Variants in DNAH9 observed in about 807,000 individuals in gnomAD.
DNAH9 encodes the protein DNAH9 variant protein.
DNAH9 carries 345 observed loss-of-function variants against 471.6 expected under a neutral mutation model. That is an observed-to-expected ratio of 0.73 (90% CI 0.67 to 0.80). DNAH9 has a LOEUF of 0.80. Among genes scored for constraint, DNAH9 ranks in the 30% least tolerant of loss-of-function variants. DNAH9 has a pLI of 0.00. For missense variants in DNAH9, 5,407 were observed against 5,609.2 expected, an observed-to-expected ratio of 0.96 and a Z score of 1.15; for synonymous variants, 2,093 against 2,123.6, an observed-to-expected ratio of 0.99 and a Z score of 0.40.
At chr17:11,604,709 T>G (rs2072462905) in intron 1 of DNAH9, among the ~76,000 whole-genome samples, 1 of 152,148 alleles carries the variant, frequency 6.6e-6, no homozygotes, top group African/African-American at 2.4e-5. Flanking sequence ...TTTTTTTCTC[T>G]TGCGACTCCT....
Position 11,930,173 on chromosome 17 carries a change from A to C in DNAH9, c.12105+80A>C. 7 of 1,246,124 alleles carry C rather than the reference A, an allele frequency of 5.6e-6. No homozygotes were observed. In the South Asian group the frequency reaches 9.6e-5, roughly 17 times the overall value. 77.2% of individuals were successfully genotyped at this position (1,246,124 alleles called of 1,614,324 possible). A position where few individuals can be genotyped will look rare whatever the true frequency, so the allele number is the denominator to read the frequency against. The stretch of plus-strand genomic sequence containing the variant: ...CAAACTGGTGGGGGGAGAGCATGCA[A>C]CTCAGAAGGGAGTCGGGTGCTGGTT... On this transcript the variant is annotated intron_variant, in intron 63 of 68. Coordinates refer to ENST00000262442, the MANE Select transcript of DNAH9 (RefSeq NM_001372.4).
chr17:11,685,616 G>T (rs973091069), intron 19 of DNAH9, among the ~76,000 whole-genome samples: 1 of 152,062 alleles, frequency 6.6e-6, no homozygotes, highest in Non-Finnish European at 1.5e-5. Flanking sequence ...ATAGATTACA[G>T]AGAGATTTAG....
intron 44 of DNAH9, 87 bp downstream of exon 44, chr17:11,807,981 C>G (rs1969756156): frequency 2.1e-6 from 3 of 1,415,004 alleles, no homozygotes; most frequent in Non-Finnish European, 2.9e-6. Context: ...TCTCCAGTTC[C>G]CCTGTCTGGA....
At chr17:11,692,992 G>A (rs549145307) in intron 20 of DNAH9, among the ~76,000 whole-genome samples, 270 of 148,090 alleles carry the variant, frequency 1.8e-3, no homozygotes, top group Admixed American at 4.3e-3. Context: ...TACAACCTCC[G>A]CCTCCCGGTT....
chr17:11,920,003 G>T (rs1193630589), intron 61 of DNAH9, among the ~76,000 whole-genome samples: 1 of 151,710 alleles, frequency 6.6e-6, no homozygotes, highest in Non-Finnish European at 1.5e-5. Context: ...ACTGGGAATC[G>T]GCAGCAGAAA....
chr17:11,967,859 G>A (rs1976869118), intron 68 of DNAH9, among the ~76,000 whole-genome samples: 1 of 151,924 alleles, frequency 6.6e-6, no homozygotes, highest in South Asian at 2.1e-4. Context: ...AAATAAATAG[G>A]ATAGAAATTA....
At chr17:11,767,856 C>G (rs530738358) in intron 36 of DNAH9, among the ~76,000 whole-genome samples, 1 of 152,158 alleles carries the variant, frequency 6.6e-6, no homozygotes, top group Non-Finnish European at 1.5e-5. Flanking sequence ...CTGTCTCCCC[C>G]ACTGCTCCTA....
At chr17:11,696,747 C>G (rs2074484368) in intron 22 of DNAH9, among the ~76,000 whole-genome samples, 1 of 152,110 alleles carries the variant, frequency 6.6e-6, no homozygotes, top group African/African-American at 2.4e-5. Flanking sequence ...CCAAAGTAGT[C>G]CAGGTGTGGT....
At chr17:11,784,055 T>G (rs1253056598) in intron 40 of DNAH9, among the ~76,000 whole-genome samples, 2 of 152,070 alleles carry the variant, frequency 1.3e-5, no homozygotes, top group Admixed American at 6.5e-5. Context: ...TGGACTCAGA[T>G]TCTCTGAGTC....
chr17:11,690,484 G>A (rs747250345), intron 20 of DNAH9, 48 bp downstream of exon 20: 5 of 1,551,380 alleles, frequency 3.2e-6, no homozygotes, highest in South Asian at 2.4e-5. Context: ...GATCCAGGGT[G>A]AAGGGAAGGT....
chr17:11,740,111 C>G (rs2075410584), intron 29 of DNAH9, among the ~76,000 whole-genome samples: 1 of 152,176 alleles, frequency 6.6e-6, no homozygotes, highest in African/African-American at 2.4e-5. Flanking sequence ...GCTGGAATGC[C>G]AACAAGCTGT....
intron 48 of DNAH9, among the ~76,000 whole-genome samples, chr17:11,828,722 T>C (rs936746876): frequency 6.6e-6 from 1 of 152,282 alleles, no homozygotes; most frequent in East Asian, 1.9e-4. Context: ...TATCTTTACA[T>C]GTACCCCCAC....
intron 19 of DNAH9, among the ~76,000 whole-genome samples, chr17:11,688,089 AAAAAAAAAAAAG>A (rs1239605318): frequency 6.9e-6 from 1 of 145,068 alleles, no homozygotes; most frequent in Admixed American, 6.8e-5. Context: ...AGCCAAAAAA[AAAAAAAAAAAAG>A]AAAAAGCCAT....
intron 3 of DNAH9, 143 bp downstream of exon 3, chr17:11,610,697 G>C: frequency 1.4e-6 from 1 of 698,154 alleles, no homozygotes; most frequent in Non-Finnish European, 2.3e-6. Context: ...ACAGCTCTGT[G>C]TCATTGGGTC....
chr17:11,617,078 A>G (rs1334272785), intron 4 of DNAH9, among the ~76,000 whole-genome samples: 1 of 152,198 alleles, frequency 6.6e-6, no homozygotes, highest in Non-Finnish European at 1.5e-5. Flanking sequence ...TTTGAAGGAA[A>G]GTCTTTCTGA....
intron 29 of DNAH9, among the ~76,000 whole-genome samples, chr17:11,741,459 A>G (rs925298133): frequency 3.9e-5 from 6 of 152,194 alleles, no homozygotes; most frequent in Admixed American, 3.9e-4. Context: ...CACCATCTTA[A>G]TACATATTTT....
Position 11,937,528 on chromosome 17 carries a change from T to C in DNAH9, c.12660+6T>C. The C allele has an allele frequency of 6.2e-7, 1 of 1,607,776 alleles. No homozygotes were observed. The highest frequency in any genetic ancestry group is 2.2e-5 in the East Asian group (1 of 44,772). ...GCGCCACAAGAGAAGAAAAGGTGTG[T>C]GTGGTGGGGACTGCCTGAGGTCGTT... On this transcript the variant is annotated splice_donor_region_variant and intron_variant, in intron 66 of 68. Coordinates refer to ENST00000262442, the MANE Select transcript of DNAH9 (RefSeq NM_001372.4). The surrounding 1 kb of genome is among the most constrained non-coding windows in gnomAD (Gnocchi z 4.1).
chr17:11,727,833 T>A lies in DNAH9; in HGVS notation c.5725T>A (p.Tyr1909Asn). The change falls in exon 28 of 69, where the codon TAC (tyrosine) becomes AAC (asparagine). Residue 1909 changes from tyrosine to asparagine, a missense_variant. Physicochemically the swap from Tyr to Asn is moderately radical, Grantham distance 143 (BLOSUM62 -2). Coordinates refer to ENST00000262442, the MANE Select transcript of DNAH9 (RefSeq NM_001372.4). ...TTTCTTGCAGTCTTGTGGCAACATC[T>A]ACAAAGGCCTTGCTCAGACTGGTGC... Reference protein sequence around the residue: ...QMDYKSCGNIYKGLAQTGAWG... With the variant: ...QMDYKSCGNINKGLAQTGAWG... 1 of 1,613,676 alleles carries A rather than the reference T, an allele frequency of 6.2e-7. No homozygotes were observed. The highest frequency in any genetic ancestry group is 8.5e-7 in the Non-Finnish European group (1 of 1,179,532).
intron 48 of DNAH9, among the ~76,000 whole-genome samples, chr17:11,826,517 G>C (rs1239346966): frequency 7.7e-6 from 1 of 129,928 alleles, no homozygotes; most frequent in Admixed American, 9.1e-5. Context: ...CTGGAGTGCA[G>C]TGGCGCGATC....
Sources: gnomAD v4.1 joint callset for allele counts (sites outside exome capture counted in the v4.1 genomes callset) on GRCh38, gnomAD v4.1.1 for gene constraint, Gnocchi (gnomAD v3.1) non-coding constraint, MANE v1.5 for transcripts, NCBI Gene and HGNC (gene_info 2026-07-23, HGNC 2026-07-21) for gene names.